LASP1: variants seen among roughly 807,000 people sequenced by gnomAD.
LASP1 encodes LIM and SH3 protein 1.
LASP1 carries 10 observed loss-of-function variants against 38.6 expected under a neutral mutation model. The observed-to-expected ratio is 0.26, with a 90% CI of 0.16 to 0.44. The LOEUF (loss-of-function observed/expected upper bound fraction) is 0.44. LASP1 is among the 20% of genes least tolerant of loss of function. The pLI is 1.00. For missense variants in LASP1, 243 were observed against 375.7 expected, an observed-to-expected ratio of 0.65 and a Z score of 2.92; for synonymous variants, 132 against 140.8, an observed-to-expected ratio of 0.94 and a Z score of 0.44.
chr17:38,905,555 G>C (rs1038548577), intron 4 of LASP1, among the ~76,000 whole-genome samples: 3 of 145,328 alleles, frequency 2.1e-5, no homozygotes, highest in African/African-American at 7.6e-5. Context: ...AAAAAAGTGT[G>C]CTCCTTCAAC....
At chr17:38,904,992 C>T in intron 4 of LASP1, among the ~76,000 whole-genome samples, 1 of 152,186 alleles carries the variant, frequency 6.6e-6, no homozygotes, top group African/African-American at 2.4e-5. Flanking sequence ...TGATTTTGAA[C>T]ACAGAGTAAT....
At chr17:38,889,961 C>G (rs1204020096) in intron 2 of LASP1, among the ~76,000 whole-genome samples, 1 of 152,236 alleles carries the variant, frequency 6.6e-6, no homozygotes, top group African/African-American at 2.4e-5. Context: ...CTTTGTTTTT[C>G]TGTCTCCCCC....
At chr17:38,915,022 C>T in intron 5 of LASP1, 21 bp from the exon 6 acceptor site, 1 of 1,611,974 alleles carries the variant, frequency 6.2e-7, no homozygotes, top group Non-Finnish European at 8.5e-7. Flanking sequence ...TTTCCAAGCC[C>T]TGTCTCCTCC....
At chr17:38,912,949 A>G (rs781516545) in intron 4 of LASP1, among the ~76,000 whole-genome samples, 5 of 152,130 alleles carry the variant, frequency 3.3e-5, no homozygotes, top group Non-Finnish European at 7.4e-5. Flanking sequence ...TGGAGGTAGC[A>G]GGGGCTCTGG....
intron 2 of LASP1, among the ~76,000 whole-genome samples, chr17:38,888,707 T>C (rs2143763755): frequency 6.6e-6 from 1 of 152,318 alleles, no homozygotes; most frequent in South Asian, 2.1e-4. Context: ...GAGAAGACAA[T>C]ACATTGATGT....
chr17:38,902,926 C>A (rs938922345), intron 4 of LASP1, among the ~76,000 whole-genome samples: 4 of 152,136 alleles, frequency 2.6e-5, no homozygotes, highest in African/African-American at 9.7e-5. Context: ...TGGTCTCGAA[C>A]TCCTGACCTC....
chr17:38,884,942 C>T (rs1412194695), intron 2 of LASP1, among the ~76,000 whole-genome samples: 2 of 152,152 alleles, frequency 1.3e-5, no homozygotes, highest in Admixed American at 6.5e-5. Flanking sequence ...CCGCCCGCTT[C>T]GGCCTCCCAA....
chr17:38,913,976 T>C (rs1915033652), intron 4 of LASP1, among the ~76,000 whole-genome samples: 2 of 144,556 alleles, frequency 1.4e-5, no homozygotes, highest in South Asian at 4.4e-4. Context: ...CACTCCAGCC[T>C]GGGCGACAGA....
chr17:38,897,325 G>A (rs897769544), intron 3 of LASP1, among the ~76,000 whole-genome samples: 7 of 152,204 alleles, frequency 4.6e-5, no homozygotes, highest in African/African-American at 1.2e-4. Flanking sequence ...AGCACAGCTC[G>A]GTGCTGCTGC....
At chr17:38,876,029 T>C (rs547327466) in intron 1 of LASP1, among the ~76,000 whole-genome samples, 1 of 152,238 alleles carries the variant, frequency 6.6e-6, no homozygotes, top group East Asian at 1.9e-4. Context: ...AGTGGACCCC[T>C]GTTTGGTGGT....
At chr17:38,879,659 G>T (rs531747852) in intron 2 of LASP1, among the ~76,000 whole-genome samples, 18 of 151,446 alleles carry the variant, frequency 1.2e-4, no homozygotes, top group Non-Finnish European at 2.4e-4. Flanking sequence ...CTAAAAAGGG[G>T]GCTTAAACCT....
chr17:38,890,581 G>T, intron 3 of LASP1, 77 bp downstream of exon 3: 1 of 1,314,688 alleles, frequency 7.6e-7, no homozygotes, highest in South Asian at 1.2e-5. Context: ...CATTTGGCAA[G>T]AGTACCTTCC....
intron 1 of LASP1, among the ~76,000 whole-genome samples, chr17:38,871,881 T>C (rs886368953): frequency 6.6e-6 from 1 of 152,074 alleles, no homozygotes; most frequent in Non-Finnish European, 1.5e-5. Context: ...AGCTTAGAGC[T>C]ATCAGATAAT....
intron 4 of LASP1, among the ~76,000 whole-genome samples, chr17:38,901,600 C>G (rs1914642565): frequency 6.6e-6 from 1 of 152,168 alleles, no homozygotes; most frequent in African/African-American, 2.4e-5. Flanking sequence ...ATCAGCGTCT[C>G]TGGGAGTGGG....
chr17:38,893,898 G>C (rs1914412708), intron 3 of LASP1, among the ~76,000 whole-genome samples: 1 of 152,224 alleles, frequency 6.6e-6, no homozygotes, highest in Non-Finnish European at 1.5e-5. Flanking sequence ...TCACCCCACG[G>C]GGTCAGCTGG....
Position 38,921,077 on chromosome 17 carries a change from C to A in LASP1, c.*2299C>A, listed in dbSNP as rs1250032529. On this transcript the variant is annotated 3_prime_UTR_variant, in exon 7 of 7. Transcript: ENST00000318008. Reference sequence around the variant, plus strand: ...AAAATAGGGGCCGTTTTCTTACACACCCCCAGAGAGAGGAGGGACTGTCAC... The same window carrying A: ...AAAATAGGGGCCGTTTTCTTACACAACCCCAGAGAGAGGAGGGACTGTCAC... 1.7e-5 allele frequency: 4 copies of A among 229,930 alleles called. No individual in the cohort carries two copies. Among genetic ancestry groups the A allele is most frequent in the Admixed American group, 1.7e-4 (3 of 17,668 alleles). 14.2% of individuals were successfully genotyped at this position (229,930 alleles called of 1,614,324 possible).
chr17:38,880,739 C>A (rs1253490217), intron 2 of LASP1, among the ~76,000 whole-genome samples: 1 of 152,180 alleles, frequency 6.6e-6, no homozygotes, highest in African/African-American at 2.4e-5. Context: ...CTGGGATGAA[C>A]CAGGTGTGGC....
intron 4 of LASP1, chr17:38,899,091 G>A (rs1914571404): frequency 6.4e-6 from 2 of 314,954 alleles, no homozygotes; most frequent in Admixed American, 4.1e-5. Context: ...GAGTGGGCAG[G>A]GGATCAACTG....
At chr17:38,915,304 T>C (rs930867513) in intron 6 of LASP1, 158 bp downstream of exon 6, 3 of 618,528 alleles carry the variant, frequency 4.9e-6, no homozygotes, top group African/African-American at 3.7e-5. Flanking sequence ...TTGGTTGGCG[T>C]AGTGGGCAGA....
Sources: gnomAD v4.1 joint callset for allele counts (sites outside exome capture counted in the v4.1 genomes callset) on GRCh38, gnomAD v4.1.1 for gene constraint, MANE v1.5 for transcripts, NCBI Gene and HGNC (gene_info 2026-07-23, HGNC 2026-07-21) for gene names.